KAT14: variants seen among roughly 807,000 people sequenced by gnomAD.
KAT14 encodes the protein lysine acetyltransferase 14.
Under a neutral mutation model 78.4 loss-of-function variants are expected in KAT14, and 66 were observed. That is an observed-to-expected ratio of 0.84 (90% CI 0.69 to 1.03). The LOEUF (loss-of-function observed/expected upper bound fraction) is 1.03, where lower values mean the gene tolerates loss of function less well. Ranked by LOEUF, KAT14 falls within the 50% of genes least tolerant of loss-of-function variation. KAT14 has a pLI of 0.00. For synonymous variants in KAT14, 344 were observed against 359.4 expected, an observed-to-expected ratio of 0.96 and a Z score of 0.48; for missense variants, 870 against 972.5, an observed-to-expected ratio of 0.89 and a Z score of 1.40.
chr20:18,172,828 G>A (rs915749317), intron 7 of KAT14, among the ~76,000 whole-genome samples: 1 of 152,172 alleles, frequency 6.6e-6, no homozygotes, highest in Admixed American at 6.6e-5. Context: ...GATGTTCTGG[G>A]TAAGAGGAGC....
Position 18,162,647 on chromosome 20 carries a change from C to T in KAT14, c.1370C>T (p.Pro457Leu). ...GAGAAGGACACAAAGCCGAAAGAGCCCAGGTATACTCCCGTGAGCATCTAC... is the reference window on the plus strand; with the variant it reads ...GAGAAGGACACAAAGCCGAAAGAGCTCAGGTATACTCCCGTGAGCATCTAC... ...QLEKDTKPKE[P>L]RYTPVSIYEE... Residue 457 changes from proline to leucine, a missense_variant, in exon 7 of 11, where the codon CCC (proline) becomes CTC (leucine). Transcript: ENST00000688188. 1 of 1,614,124 alleles carries T rather than the reference C, an allele frequency of 6.2e-7. No homozygotes were observed. Among genetic ancestry groups the T allele is most frequent in the South Asian group, 1.1e-5 (1 of 91,082 alleles).
At chr20:18,143,825 TCTC>T (rs2037706601) in intron 2 of KAT14, among the ~76,000 whole-genome samples, 1 of 151,778 alleles carries the variant, frequency 6.6e-6, no homozygotes, top group African/African-American at 2.4e-5. Context: ...TGAGGTTTCT[TCTC>T]CATGTTGGTC....
In KAT14 at chr20:18,162,357, C is replaced by T; in HGVS notation, c.1100-20C>T. 6.2e-7 allele frequency: 1 copy of T among 1,603,568 alleles called. No individual in the cohort carries two copies. Among genetic ancestry groups the T allele is most frequent in the Non-Finnish European group, 8.5e-7 (1 of 1,174,816 alleles). ...TCTTCCTTCCTATGTCTTGATGACA[C>T]TGTTTTGTACTCTGCACAGATGACG... On this transcript the variant is annotated intron_variant, in intron 6 of 10. Coordinates refer to ENST00000688188, the MANE Select transcript of KAT14 (RefSeq NM_001392073.1).
intron 1 of KAT14, chr20:18,138,327 T>C: frequency 8.8e-7 from 1 of 1,141,120 alleles, no homozygotes. Flanking sequence ...GGGGCCTTGC[T>C]CCGCACAGGC....
rs886791190 is a variant in KAT14, at chr20:18,168,293, C to T, written c.1668+5348C>T. ...CTGTAATCCCAGCACTTTGGGAGGT[C>T]GAGGCAGGCAGATCACTTGAGGCCA... On this transcript the variant is annotated intron_variant, in intron 7 of 10. Coordinates refer to ENST00000688188, the MANE Select transcript of KAT14 (RefSeq NM_001392073.1). 4.6e-5 allele frequency among the ~76,000 whole-genome samples: 7 copies of T among 152,130 alleles called. 1 individual carries two copies. Among genetic ancestry groups the T allele is most frequent in the South Asian group, 4.2e-4 (2 of 4,810 alleles).
chr20:18,172,224 C>T (rs550114753), intron 7 of KAT14, among the ~76,000 whole-genome samples: 4 of 151,674 alleles, frequency 2.6e-5, no homozygotes, highest in South Asian at 2.1e-4. Flanking sequence ...GCCTCAGCCT[C>T]CCGAGTAGCT....
At chr20:18,137,556 G>A (rs376907031), upstream of KAT14, among the ~76,000 whole-genome samples, 4 of 152,192 alleles carry the variant, frequency 2.6e-5, no homozygotes, top group African/African-American at 7.2e-5. Context: ...CAGAAGGGAC[G>A]TCTGTGGGAG....
Position 18,137,880 on chromosome 20 carries a change from G to A in KAT14, c.-625G>A. Reference sequence around the variant, plus strand: ...GAGGGGTCGAGCCTGGGCAGTACAGGCGGCGGTGCGCACTCTGCGGCGGCC... The same window carrying A: ...GAGGGGTCGAGCCTGGGCAGTACAGACGGCGGTGCGCACTCTGCGGCGGCC... On this transcript the variant is annotated 5_prime_UTR_variant, in exon 1 of 11. Coordinates refer to ENST00000688188, the MANE Select transcript of KAT14 (RefSeq NM_001392073.1). 1 of 1,388,080 alleles carries A rather than the reference G, an allele frequency of 7.2e-7. No homozygotes were observed. The highest frequency in any genetic ancestry group is 3.0e-5 in the East Asian group (1 of 33,382). 86.0% of individuals were successfully genotyped at this position (1,388,080 alleles called of 1,614,324 possible).
In KAT14 at chr20:18,187,604, G is replaced by A; in HGVS notation, c.*145G>A. On this transcript the variant is annotated 3_prime_UTR_variant, in exon 11 of 11. Transcript: ENST00000688188. ...ACTCCCAACCAAAGTGAGAAAAGCG[G>A]CATGCAGTGAAATGAGCAGTGAGCA... 1 of 1,379,580 alleles carries A rather than the reference G, an allele frequency of 7.2e-7. No individual in the cohort carries two copies. Among genetic ancestry groups the A allele is most frequent in the Admixed American group, 2.7e-5 (1 of 36,568 alleles). The allele number at this position is 1,379,580 out of a possible 1,614,324, so 85.5% of individuals were successfully genotyped here.
chr20:18,168,518 ACTCT>A (rs770973396), intron 7 of KAT14, among the ~76,000 whole-genome samples: 2 of 150,538 alleles, frequency 1.3e-5, no homozygotes, highest in East Asian at 1.9e-4. Context: ...ATTGGGTGAG[ACTCT>A]CTCTCAAAAA....
chr20:18,183,984 A>C (rs1451539539), intron 9 of KAT14, among the ~76,000 whole-genome samples: 1 of 152,220 alleles, frequency 6.6e-6, no homozygotes, highest in Non-Finnish European at 1.5e-5. Flanking sequence ...TAATCACATA[A>C]CTGTGAATGT....
At chr20:18,146,889 T>G (rs1164080222) in intron 3 of KAT14, among the ~76,000 whole-genome samples, 1 of 152,066 alleles carries the variant, frequency 6.6e-6, no homozygotes, top group African/African-American at 2.4e-5. Context: ...TTATGTTCAT[T>G]CATTCATTCA....
In KAT14 at chr20:18,187,370, G is replaced by A; in HGVS notation, c.2257G>A (p.Glu753Lys). Residue 753 changes from glutamate to lysine, a missense_variant, in exon 11 of 11, where the codon GAA becomes AAA. By Grantham distance (56) the Glu-to-Lys change is moderately conservative (BLOSUM62 1). Coordinates refer to ENST00000688188, the MANE Select transcript of KAT14 (RefSeq NM_001392073.1). ...LLYQKFGFKT[E>K]EYVLDFYDKY... ...GTACCAGAAGTTTGGATTCAAGACT[G>A]AAGAATATGTATTAGATTTCTATGA... 5 of 1,614,192 alleles carry A rather than the reference G, an allele frequency of 3.1e-6. 1 individual carries two copies. The South Asian group carries it at 5.5e-5, about 18-fold the overall frequency.
intron 2 of KAT14, chr20:18,143,213 C>G: frequency 9.0e-7 from 1 of 1,108,520 alleles, no homozygotes; most frequent in Non-Finnish European, 1.1e-6. Flanking sequence ...CTAACAAGGT[C>G]ACAGAGATTT....
In KAT14 at chr20:18,187,492, T is replaced by C. The variant is rs2039487175; in HGVS notation, c.*33T>C. 4 of 1,612,174 alleles carry C rather than the reference T, an allele frequency of 2.5e-6. No individual in the cohort carries two copies. The East Asian group carries it at 8.9e-5, about 36-fold the overall frequency. On this transcript the variant is annotated 3_prime_UTR_variant, in exon 11 of 11. Transcript: ENST00000688188. Reference sequence around the variant, plus strand: ...ACAGCTCACAGAGAAACGCATGTGCTATTGGAGAACAGGTCTTTGTGGAGA... The same window carrying C: ...ACAGCTCACAGAGAAACGCATGTGCCATTGGAGAACAGGTCTTTGTGGAGA...
At chr20:18,138,350 CT>C in intron 1 of KAT14, 1 of 1,094,378 alleles carries the variant, frequency 9.1e-7, no homozygotes, top group East Asian at 5.3e-5. Flanking sequence ...GGCACGCAAG[CT>C]TTTGGGGTGC....
intron 3 of KAT14, among the ~76,000 whole-genome samples, chr20:18,148,218 A>G (rs1258448936): frequency 2.0e-5 from 3 of 152,204 alleles, no homozygotes; most frequent in Non-Finnish European, 2.9e-5. Context: ...CACAAATAGC[A>G]TTTTGTTTGT....
rs778257150 is a variant in KAT14, at chr20:18,184,718, A to G, written c.2098A>G (p.Ile700Val). The change falls in exon 10 of 11, where the codon ATT becomes GTT. Residue 700 changes from isoleucine to valine, a missense_variant. Ile to Val is a conservative substitution (Grantham distance 29). Coordinates refer to ENST00000688188, the MANE Select transcript of KAT14 (RefSeq NM_001392073.1). ...VPDVKYNEAY[I>V]SFLFVHPEWR... Reference sequence around the variant, plus strand: ...TGATGTGAAATACAATGAAGCTTACATTTCATTTCTGTTCGTCCACCCTGA... The same window carrying G: ...TGATGTGAAATACAATGAAGCTTACGTTTCATTTCTGTTCGTCCACCCTGA... 1 of 1,613,594 alleles carries G rather than the reference A, an allele frequency of 6.2e-7. No homozygotes were observed. Among genetic ancestry groups the G allele is most frequent in the South Asian group, 1.1e-5 (1 of 90,990 alleles).
chr20:18,150,272 G>A (rs940338482), intron 3 of KAT14, among the ~76,000 whole-genome samples: 3 of 152,192 alleles, frequency 2.0e-5, no homozygotes, highest in South Asian at 2.1e-4. Flanking sequence ...CTAAGTCACC[G>A]AGTAGATAGA....
Sources: gnomAD v4.1 joint callset for allele counts (sites outside exome capture counted in the v4.1 genomes callset) on GRCh38, gnomAD v4.1.1 for gene constraint, MANE v1.5 for transcripts, NCBI Gene and HGNC (gene_info 2026-07-23, HGNC 2026-07-21) for gene names.